The following NSD1 variants were observed in gnomAD, a reference collection of about 807,000 sequenced individuals.
NSD1 encodes the protein nuclear receptor binding SET domain protein 1, also known as histone-lysine N-methyltransferase, H3 lysine-36 specific.
Under a neutral mutation model 242.7 loss-of-function variants are expected in NSD1, and 26 were observed. The observed-to-expected ratio is 0.11, with a 90% CI of 0.08 to 0.15. The LOEUF is 0.15. Ranked by LOEUF, NSD1 falls within the 10% of genes least tolerant of loss-of-function variation. The pLI is 1.00. For missense variants in NSD1, 2,495 were observed against 3,272.8 expected, an observed-to-expected ratio of 0.76 and a Z score of 5.80; for synonymous variants, 1,106 against 1,178.1, an observed-to-expected ratio of 0.94 and a Z score of 1.25.
intron 2 of NSD1, among the ~76,000 whole-genome samples, chr5:177,167,744 A>G (rs1759331367): frequency 6.6e-6 from 1 of 152,138 alleles, no homozygotes; most frequent in Non-Finnish European, 1.5e-5. Context: ...TTTGAACTTC[A>G]TGGTGGGCTT....
intron 2 of NSD1, among the ~76,000 whole-genome samples, chr5:177,149,828 G>C (rs1190913392): frequency 2.0e-5 from 3 of 152,146 alleles, no homozygotes; most frequent in Non-Finnish European, 4.4e-5. Context: ...ATGCAGCCCG[G>C]TTCCTAACAG....
chr5:177,162,760 C>T (rs944411927), intron 2 of NSD1, among the ~76,000 whole-genome samples: 5 of 152,126 alleles, frequency 3.3e-5, no homozygotes, highest in African/African-American at 1.2e-4. Flanking sequence ...AGCTCACTGC[C>T]TCCTGGGCTC....
chr5:177,257,106 A>T lies in NSD1; in HGVS notation c.4921A>T (p.Ile1641Leu). 6.2e-7 allele frequency: 1 copy of T among 1,614,112 alleles called. No individual in the cohort carries two copies. The highest frequency in any genetic ancestry group is 1.3e-5 in the African/African-American group (1 of 75,040). ...KGFRCSLHIC[I>L]TCHAANPANV... ...CTTCCGGTGCTCCCTCCACATCTGT[A>T]TAACCTGTCATGCTGCTAATCCAGC... The change falls in exon 13 of 23, where the codon ATA becomes TTA. Residue 1641 changes from isoleucine (I) to leucine (L), a missense_variant. Transcript: ENST00000439151.
chr5:177,289,930 C>T (rs1358799097), intron 21 of NSD1, among the ~76,000 whole-genome samples: 2 of 150,782 alleles, frequency 1.3e-5, no homozygotes, highest in East Asian at 3.9e-4. Flanking sequence ...CGGGTTCACG[C>T]CATTCTCCTG....
rs147697363 is a variant in NSD1, at chr5:177,265,961, T to C, written c.5147-1601T>C. On this transcript the variant is annotated intron_variant, in intron 14 of 22. Transcript: ENST00000439151. The stretch of plus-strand genomic sequence containing the variant: ...TATGAGGCAGGCGTTGGTAACCAGC[T>C]GTTTGAGGTCCACCACATCCACTAG... 5.2e-6 allele frequency: 6 copies of C among 1,160,904 alleles called. No homozygotes were observed. In the East Asian group the frequency reaches 1.2e-4, roughly 23 times the overall value. 71.9% of individuals were successfully genotyped at this position (1,160,904 alleles called of 1,614,324 possible).
Position 177,269,167 on chromosome 5 carries a change from C to T in NSD1, c.5304-435C>T, listed in dbSNP as rs1291021500. Among the ~76,000 whole-genome samples, 1 of 152,022 alleles carries T rather than the reference C, an allele frequency of 6.6e-6. No individual in the cohort carries two copies. Among genetic ancestry groups the T allele is most frequent in the African/African-American group, 2.4e-5 (1 of 41,382 alleles). On this transcript the variant is annotated intron_variant, in intron 15 of 22. Transcript: ENST00000439151. The surrounding 1 kb of genome is among the most constrained non-coding windows in gnomAD (Gnocchi z 5.1). ...TTTCTTGGTGCTGTTCTCCCATATT[C>T]CTACTAATTATTGAAGGTTTCCTTT...
At chr5:177,239,332 C>A (rs932742181) in intron 7 of NSD1, among the ~76,000 whole-genome samples, 21 of 152,130 alleles carry the variant, frequency 1.4e-4, no homozygotes, top group African/African-American at 4.8e-4. Context: ...TTGAGTGATC[C>A]TATGAATTAT....
chr5:177,170,093 C>T (rs543811241), intron 2 of NSD1, among the ~76,000 whole-genome samples: 3 of 151,786 alleles, frequency 2.0e-5, no homozygotes, highest in South Asian at 2.1e-4. Context: ...CCTCAGCCTC[C>T]CGAGTAGCTG....
intron 2 of NSD1, among the ~76,000 whole-genome samples, chr5:177,168,659 C>T (rs1454821826): frequency 2.0e-5 from 3 of 152,030 alleles, no homozygotes; most frequent in Non-Finnish European, 2.9e-5. Context: ...TGGAGCTTCA[C>T]CATGTTGGTC....
At chr5:177,226,617 G>C (rs1383911457) in intron 5 of NSD1, among the ~76,000 whole-genome samples, 1 of 152,084 alleles carries the variant, frequency 6.6e-6, no homozygotes, top group East Asian at 1.9e-4. Flanking sequence ...ACCATGCCCA[G>C]CTTAGGTCAT....
chr5:177,267,210 A>G (rs894712319), intron 14 of NSD1, among the ~76,000 whole-genome samples: 1 of 152,176 alleles, frequency 6.6e-6, no homozygotes, highest in African/African-American at 2.4e-5. Context: ...TGGAGATACT[A>G]CTTATGTGTC....
rs530301282 is a variant in NSD1 at position 177,152,630 on chromosome 5, T to A, written c.927+16600T>A. Among the ~76,000 whole-genome samples, 10 of 151,930 alleles carry A rather than the reference T, an allele frequency of 6.6e-5. No individual in the cohort carries two copies. In the East Asian group the frequency reaches 1.6e-3, roughly 24 times the overall value. On this transcript the variant is annotated intron_variant, in intron 2 of 22. Coordinates refer to ENST00000439151, the MANE Select transcript of NSD1 (RefSeq NM_022455.5). ...CAGCATGCCTGGCTAATTTTTTGTA[T>A]TTTTAGTAGAGATGGGGTTTCACTG...
Position 177,295,454 on chromosome 5 carries a change from A to T in NSD1, c.8086A>T (p.Lys2696Ter). 4 of 1,613,912 alleles carry T rather than the reference A, an allele frequency of 2.5e-6. No homozygotes were observed. The highest frequency in any genetic ancestry group is 2.2e-5 in the East Asian group (1 of 44,882). Reference protein sequence around the residue: ...SSHKCAESEQK With the variant: ...SSHKCAESEQ ...TCACAAGTGTGCAGAATCAGAACAG[A>T]AGTAGTACCAATCAATGTCACATGA... is the stretch of plus-strand genomic sequence containing the variant. Residue 2696 changes from lysine (K) to a stop codon, truncating the protein, a stop_gained, in exon 23 of 23, where the codon AAG (lysine) becomes TAG (stop). Coordinates refer to ENST00000439151, the MANE Select transcript of NSD1 (RefSeq NM_022455.5). LOFTEE classifies it high-confidence loss of function. This position sits in a 1 kb window ranked among gnomAD's most constrained non-coding sequence, Gnocchi z 4.3.
chr5:177,250,581 A>G (rs570678170), intron 11 of NSD1, among the ~76,000 whole-genome samples: 4 of 149,778 alleles, frequency 2.7e-5, no homozygotes, highest in African/African-American at 9.9e-5. Context: ...TTTTTTTACC[A>G]TATATAGAAA....
intron 2 of NSD1, among the ~76,000 whole-genome samples, chr5:177,157,571 C>G (rs987252610): frequency 3.9e-5 from 6 of 152,078 alleles, no homozygotes; most frequent in Non-Finnish European, 5.9e-5. Context: ...TGGTGGCATA[C>G]ACCTGTAATC....
intron 17 of NSD1, 139 bp from the exon 18 acceptor site, chr5:177,280,426 A>T: frequency 3.2e-6 from 3 of 936,366 alleles, no homozygotes; most frequent in Non-Finnish European, 5.2e-6. Context: ...CTCTGTTTTT[A>T]TATGAAACTA....
intron 2 of NSD1, among the ~76,000 whole-genome samples, chr5:177,186,448 C>T (rs1281208418): frequency 2.6e-5 from 4 of 151,844 alleles, no homozygotes; most frequent in African/African-American, 7.3e-5. Flanking sequence ...ATAGTTGAAC[C>T]GGTTTAGGTT....
chr5:177,158,996 T>TAAA (rs1491282630), intron 2 of NSD1, among the ~76,000 whole-genome samples: 15 of 65,128 alleles, frequency 2.3e-4, no homozygotes, highest in African/African-American at 1.7e-3. Context: ...ATATGAATGA[T>TAAA]TTTATATATA....
rs72813176 is a variant in NSD1, at chr5:177,282,332, G to A, written c.5893-133G>A. 50,173 of 760,532 alleles carry A rather than the reference G, an allele frequency of 0.066. 2,212 individuals are homozygous for A. Among genetic ancestry groups the A allele is most frequent in the Non-Finnish European group, 0.093 (38,288 of 412,652 alleles). 47.1% of individuals were successfully genotyped at this position (760,532 alleles called of 1,614,324 possible). On this transcript the variant is annotated intron_variant, in intron 18 of 22. Transcript: ENST00000439151. Reference sequence around the variant, plus strand: ...TAGTTGGGGATCGTAAAGTAATTATGTGTGCCTAAAATTATACTCATGTAA... The same window carrying A: ...TAGTTGGGGATCGTAAAGTAATTATATGTGCCTAAAATTATACTCATGTAA...
Sources: gnomAD v4.1 joint callset for allele counts (sites outside exome capture counted in the v4.1 genomes callset) on GRCh38, gnomAD v4.1.1 for gene constraint, Gnocchi (gnomAD v3.1) non-coding constraint, MANE v1.5 for transcripts, NCBI Gene and HGNC (gene_info 2026-07-23, HGNC 2026-07-21) for gene names.